The following ANKFN1 variants were observed in gnomAD, a reference collection of about 807,000 sequenced individuals.
ANKFN1 encodes ankyrin repeat and fibronectin type-III domain-containing protein 1.
A neutral mutation model predicts 108.7 loss-of-function variants in ANKFN1; 74 were observed. The observed-to-expected ratio is 0.68, with a 90% CI of 0.56 to 0.83. The LOEUF is 0.83. Among genes scored for constraint, ANKFN1 ranks in the 40% least tolerant of loss-of-function variants. The probability of loss-of-function intolerance (pLI) is 0.00; values close to 1 mark genes in which losing one functional copy is unlikely to be tolerated. For missense variants in ANKFN1, 1,505 were observed against 1,382.3 expected (o/e 1.09, Z -1.41); for synonymous variants, 547 against 516.2 (o/e 1.06, Z -0.81).
At chr17:56,352,772 A>G (rs2046278283) in intron 5 of ANKFN1, among the ~76,000 whole-genome samples, 1 of 152,220 alleles carries the variant, frequency 6.6e-6, no homozygotes, top group South Asian at 2.1e-4. Flanking sequence ...GGGCTCAGAA[A>G]CTATCAACCC....
intron 3 of ANKFN1, among the ~76,000 whole-genome samples, chr17:56,277,614 G>A (rs2043968340): frequency 6.6e-6 from 1 of 152,086 alleles, no homozygotes; most frequent in Admixed American, 6.5e-5. Context: ...GGTGTACAAA[G>A]TCTCATGATA....
chr17:56,509,173 G>A (rs762494991), intron 20 of ANKFN1, among the ~76,000 whole-genome samples: 9 of 152,108 alleles, frequency 5.9e-5, no homozygotes, highest in South Asian at 2.1e-4. Context: ...TTATTTAACC[G>A]TACTCCTATT....
chr17:56,304,479 A>G (rs780329189), intron 3 of ANKFN1, among the ~76,000 whole-genome samples: 1 of 152,202 alleles, frequency 6.6e-6, no homozygotes, highest in Non-Finnish European at 1.5e-5. Context: ...TGTGCAAACC[A>G]AAGTCCTTAT....
At chr17:56,199,670 C>A (rs1385695567) in intron 1 of ANKFN1, among the ~76,000 whole-genome samples, 1 of 152,184 alleles carries the variant, frequency 6.6e-6, no homozygotes, top group Non-Finnish European at 1.5e-5. Context: ...TGAACTTCAT[C>A]CTCTAGTCTG....
At chr17:56,302,176 A>C (rs2044688440) in intron 3 of ANKFN1, among the ~76,000 whole-genome samples, 1 of 152,204 alleles carries the variant, frequency 6.6e-6, no homozygotes, top group African/African-American at 2.4e-5. Context: ...TAGTTAAAAA[A>C]ACTTGTCCAA....
chr17:56,153,399 T>A, upstream of ANKFN1: 2 of 1,401,970 alleles, frequency 1.4e-6, no homozygotes, highest in Non-Finnish European at 2.0e-6. Flanking sequence ...TCAGTCTCCC[T>A]GGATAAAGCC....
chr17:56,310,374 T>C (rs553393705), intron 3 of ANKFN1, among the ~76,000 whole-genome samples: 7 of 152,224 alleles, frequency 4.6e-5, no homozygotes, highest in African/African-American at 1.4e-4. Flanking sequence ...TCCCAGCACT[T>C]TGGGAGGCCG....
At chr17:56,289,489 G>A (rs766487020) in intron 3 of ANKFN1, among the ~76,000 whole-genome samples, 19 of 152,284 alleles carry the variant, frequency 1.2e-4, no homozygotes, top group Admixed American at 5.2e-4. Flanking sequence ...TCTCATTCAC[G>A]TCAGCAGGAA....
intron 8 of ANKFN1, among the ~76,000 whole-genome samples, chr17:56,383,770 A>T (rs974418405): frequency 4.6e-5 from 7 of 152,206 alleles, no homozygotes; most frequent in Admixed American, 4.6e-4. Context: ...CTCTCCCAAG[A>T]CTAAACCAGG....
At chr17:56,053,382 G>A (rs1289860797) in intron 4 of ANKFN1, among the ~76,000 whole-genome samples, 1 of 152,094 alleles carries the variant, frequency 6.6e-6, no homozygotes, top group African/African-American at 2.4e-5. Context: ...GCACCCACAA[G>A]TGTAAATGAG....
intron 4 of ANKFN1, among the ~76,000 whole-genome samples, chr17:56,055,557 G>GTATATA (rs1555588755): frequency 1.4e-4 from 3 of 20,964 alleles, no homozygotes; most frequent in East Asian, 7.6e-4. Flanking sequence ...TGTGTGTGTG[G>GTATATA]TATATATACA....
intron 1 of ANKFN1, chr17:56,174,281 G>T (rs1203388095): frequency 6.1e-6 from 6 of 985,594 alleles, no homozygotes; most frequent in Non-Finnish European, 7.2e-6. Flanking sequence ...ACTCTTCACT[G>T]CAAAGCCTCA....
intron 2 of ANKFN1, among the ~76,000 whole-genome samples, chr17:56,218,816 A>T (rs1014993035): frequency 6.6e-6 from 1 of 152,246 alleles, no homozygotes; most frequent in African/African-American, 2.4e-5. Flanking sequence ...AAAGACTGCC[A>T]TAAAAAGATT....
At chr17:56,368,413 G>A (rs761162275) in intron 6 of ANKFN1, among the ~76,000 whole-genome samples, 1 of 149,962 alleles carries the variant, frequency 6.7e-6, no homozygotes, top group Non-Finnish European at 1.5e-5. Context: ...CCGTGTAGCT[G>A]GGACTACAGG....
At chr17:56,063,325 A>G (rs555108099) in intron 4 of ANKFN1, among the ~76,000 whole-genome samples, 2 of 151,982 alleles carry the variant, frequency 1.3e-5, no homozygotes, top group South Asian at 4.2e-4. Flanking sequence ...GTTCTCCTGG[A>G]TAATATCCTG....
intron 9 of ANKFN1, among the ~76,000 whole-genome samples, chr17:56,441,773 G>T (rs1261350504): frequency 6.6e-6 from 1 of 152,158 alleles, no homozygotes; most frequent in Admixed American, 6.5e-5. Flanking sequence ...CCTAGGAGTA[G>T]ATTTATACTT....
chr17:56,220,704 GAAAGGGAAAGGGAAACGGAAAAGGA>G (rs1040991390), intron 2 of ANKFN1, among the ~76,000 whole-genome samples: 2 of 148,158 alleles, frequency 1.3e-5, no homozygotes, highest in Middle Eastern at 3.4e-3. Flanking sequence ...AAAGGAAAGG[GAAAGGGAAAGGGAAACGGAAAAGGA>G]AAAGGGAAAG....
intron 8 of ANKFN1, among the ~76,000 whole-genome samples, chr17:56,438,163 CA>C (rs1161367266): frequency 6.6e-6 from 1 of 152,118 alleles, no homozygotes. Flanking sequence ...AAACATAATA[CA>C]TTATAATAAA....
chr17:56,209,504 A>C (rs1395126765), intron 1 of ANKFN1, among the ~76,000 whole-genome samples: 1 of 152,206 alleles, frequency 6.6e-6, no homozygotes, highest in Non-Finnish European at 1.5e-5. Flanking sequence ...CAGCCTTTTA[A>C]ATATACTTCT....
Sources: gnomAD v4.1 joint callset for allele counts (sites outside exome capture counted in the v4.1 genomes callset) on GRCh38, gnomAD v4.1.1 for gene constraint, MANE v1.5 for transcripts, NCBI Gene and HGNC (gene_info 2026-07-23, HGNC 2026-07-21) for gene names.